The following PRDM15 variants were observed in gnomAD, a reference collection of about 807,000 sequenced individuals.
The protein encoded by PRDM15 is PR domain zinc finger protein 15.
A neutral mutation model predicts 128.6 loss-of-function variants in PRDM15; 64 were observed. That is an observed-to-expected ratio of 0.50 (90% CI 0.41 to 0.61). The LOEUF (loss-of-function observed/expected upper bound fraction) is 0.61. Among genes scored for constraint, PRDM15 ranks in the 20% least tolerant of loss-of-function variants. PRDM15 has a pLI of 0.00. For synonymous variants in PRDM15, 615 were observed against 621.8 expected, an observed-to-expected ratio of 0.99 and a Z score of 0.16; for missense variants, 1,242 against 1,569.1, an observed-to-expected ratio of 0.79 and a Z score of 3.52.
chr21:41,813,959 G>C (rs1329387708), intron 19 of PRDM15: 1 of 135,376 alleles, frequency 7.4e-6, no homozygotes, highest in Non-Finnish European at 1.6e-5. Context: ...ATTGCGCAGG[G>C]TGCTCTAGTG....
At chr21:41,803,425 A>C (rs9917531) in intron 22 of PRDM15, among the ~76,000 whole-genome samples, 17,453 of 152,258 alleles carry the variant, frequency 0.11, 1,054 homozygotes, top group African/African-American at 0.13. Flanking sequence ...TCCCCGCACG[A>C]TTCCCTGCAA....
chr21:41,818,250 A>T (rs1480799768), intron 18 of PRDM15, among the ~76,000 whole-genome samples: 1 of 152,232 alleles, frequency 6.6e-6, no homozygotes, highest in Non-Finnish European at 1.5e-5. Flanking sequence ...CCGCTAAGGC[A>T]GGCAGACACT....
Position 41,801,330 on chromosome 21 carries a change from C to T in PRDM15, c.3336G>A (p.Leu1112=). ...GGGGTGCCTGCGGCTGCGAGGGTGG[C>T]AAGACGTCAGTCTGGGGCACTGCCC... ...TWRAVPQTDV[L]PPSQPQAPPQ... The change falls in exon 24 of 24, where the codon TTG becomes TTA. Residue 1112 remains leucine (L), a synonymous_variant. Transcript: ENST00000398548. The T allele has an allele frequency of 1.9e-6, 3 of 1,587,002 alleles. No individual in the cohort carries two copies. The highest frequency in any genetic ancestry group is 2.6e-6 in the Non-Finnish European group (3 of 1,163,730).
rs747938742 is a variant in PRDM15, at chr21:41,819,610, G to A, written c.2232C>T (p.Arg744=). ...KEHMRVHDNV[R]EYLCAECGKG... is the part of the protein sequence containing the mutation. ...TCCCACACTCGGCACACAGGTACTC[G>A]CGGACATTGTCGTGCACACGCATGT... Residue 744 remains arginine, a synonymous_variant, in exon 18 of 24, where the codon CGC becomes CGT. Transcript: ENST00000398548. 3.7e-6 allele frequency: 6 copies of A among 1,612,486 alleles called. No individual in the cohort carries two copies. The highest frequency in any genetic ancestry group is 2.2e-5 in the East Asian group (1 of 44,882).
Position 41,854,780 on chromosome 21 carries a change from G to C in PRDM15, c.324C>G (p.Thr108=). Residue 108 remains threonine (T), a synonymous_variant, in exon 5 of 24, where the codon ACC becomes ACG. Coordinates refer to ENST00000398548, the MANE Select transcript of PRDM15 (RefSeq NM_001040424.3). The surrounding 1 kb of genome is among the most constrained non-coding windows in gnomAD (Gnocchi z 4.6). ...TCCAGTTGCAGTCATCCTCGTTGGAGGTGTCGAAGCACACGGGGTGCCCGT... is the reference window on the plus strand; with the variant it reads ...TCCAGTTGCAGTCATCCTCGTTGGACGTGTCGAAGCACACGGGGTGCCCGT... ...QKDGHPVCFD[T]SNEDDCNWMM... 7 of 1,609,098 alleles carry C rather than the reference G, an allele frequency of 4.4e-6. No homozygotes were observed. Among genetic ancestry groups the C allele is most frequent in the Non-Finnish European group, 6.0e-6 (7 of 1,176,278 alleles).
Position 41,809,437 on chromosome 21 carries a change from T to C in PRDM15, c.2652+717A>G, listed in dbSNP as rs1296438193. On this transcript the variant is annotated intron_variant, in intron 21 of 23. Transcript: ENST00000398548. ...TAGTAGAGACGGGGTTTCACCATGT[T>C]GGCCAGGCTGGTCTCAAACTCTTAA... Among the ~76,000 whole-genome samples, 6 of 152,224 alleles carry C rather than the reference T, an allele frequency of 3.9e-5. No homozygotes were observed. The East Asian group carries it at 1.2e-3, about 29-fold the overall frequency.
chr21:41,876,641 C>T (rs995178146), intron 1 of PRDM15, among the ~76,000 whole-genome samples: 2 of 152,094 alleles, frequency 1.3e-5, no homozygotes, highest in Non-Finnish European at 2.9e-5. Context: ...TTTTGAGGAG[C>T]GGACGTGGCC....
chr21:41,819,888 G>A, intron 17 of PRDM15, 187 bp from the exon 18 acceptor site: 2 of 801,826 alleles, frequency 2.5e-6, no homozygotes, highest in Non-Finnish European at 3.9e-6. Flanking sequence ...GTAGATCCCT[G>A]AGGACCTGGA....
At chr21:41,838,249 A>T (rs1044810224) in intron 7 of PRDM15, among the ~76,000 whole-genome samples, 186 bp from the exon 8 acceptor site, 6 of 152,344 alleles carry the variant, frequency 3.9e-5, no homozygotes, top group Middle Eastern at 3.4e-3. Flanking sequence ...TACTAGTACA[A>T]ACAGAAAAGC....
At position 41,817,374 on chromosome 21, in the gene PRDM15, C is replaced by T. The variant is rs564827852; in HGVS notation, c.2261-1538G>A. Among the ~76,000 whole-genome samples, 9 of 152,312 alleles carry T rather than the reference C, an allele frequency of 5.9e-5. No individual in the cohort carries two copies. In the East Asian group the frequency reaches 1.7e-3, roughly 29 times the overall value. ...GCCCATGATGTGATTCTGAACAAGACGTTTTCCTCCACACACACAGAAAAC... is the reference window on the plus strand; with the variant it reads ...GCCCATGATGTGATTCTGAACAAGATGTTTTCCTCCACACACACAGAAAAC... On this transcript the variant is annotated intron_variant, in intron 18 of 23. Transcript: ENST00000398548.
rs916022706 is a variant in PRDM15 at position 41,833,000 on chromosome 21, C to T, written c.1366+2437G>A. Among the ~76,000 whole-genome samples the T allele has an allele frequency of 1.3e-5, 2 of 152,084 alleles. No homozygotes were observed. Among genetic ancestry groups the T allele is most frequent in the Non-Finnish European group, 2.9e-5 (2 of 68,014 alleles). Reference sequence around the variant, plus strand: ...GCTTCTCCCTCCAATAACCCTGCGCCGAGGGGATCTAGGTTTATGTCTGAA... The same window carrying T: ...GCTTCTCCCTCCAATAACCCTGCGCTGAGGGGATCTAGGTTTATGTCTGAA... On this transcript the variant is annotated intron_variant, in intron 11 of 23. Coordinates refer to ENST00000398548, the MANE Select transcript of PRDM15 (RefSeq NM_001040424.3). This position sits in a 1 kb window ranked among gnomAD's most constrained non-coding sequence, Gnocchi z 4.2.
rs966058700 is a variant in PRDM15 at position 41,839,593 on chromosome 21, A to G, written c.871+30T>C. 2.5e-5 allele frequency: 39 copies of G among 1,587,740 alleles called. 1 individual carries two copies. The highest frequency in any genetic ancestry group is 3.3e-4 in the Middle Eastern group (2 of 6,024). ...GCGCCAGGAGGGCTGCGCCCCACGC[A>G]GGCACTCATCCCCGGGACCCGCTCA... On this transcript the variant is annotated intron_variant, in intron 7 of 23. Coordinates refer to ENST00000398548, the MANE Select transcript of PRDM15 (RefSeq NM_001040424.3).
intron 6 of PRDM15, among the ~76,000 whole-genome samples, chr21:41,846,557 C>T (rs887171239): frequency 2.6e-5 from 4 of 152,130 alleles, no homozygotes; most frequent in African/African-American, 2.4e-5. Context: ...GTTTGCTGGG[C>T]GTGGTGGCAC....
In PRDM15 at chr21:41,862,667, C is replaced by T. The variant is rs1283141409; in HGVS notation, c.-9-2295G>A. Among the ~76,000 whole-genome samples the T allele has an allele frequency of 6.6e-6, 1 of 152,158 alleles. No homozygotes were observed. The highest frequency in any genetic ancestry group is 1.5e-5 in the Non-Finnish European group (1 of 68,030). ...GCTCCTCTGGGCCCAAGATCAGAGG[C>T]CACAGCCACCCTGGGCTGCAGATCA... On this transcript the variant is annotated intron_variant, in intron 1 of 23. Transcript: ENST00000398548. The surrounding 1 kb of genome is among the most constrained non-coding windows in gnomAD (Gnocchi z 4.1).
chr21:41,847,111 G>A lies in PRDM15; in HGVS notation c.619C>T (p.Leu207=). 1.9e-6 allele frequency: 3 copies of A among 1,553,472 alleles called. No homozygotes were observed. The highest frequency in any genetic ancestry group is 2.6e-6 in the Non-Finnish European group (3 of 1,147,536). The change falls in exon 6 of 24, where the codon CTG becomes TTG. Residue 207 remains leucine, a synonymous_variant. Coordinates refer to ENST00000398548, the MANE Select transcript of PRDM15 (RefSeq NM_001040424.3). ...TTACCATTGAGGAGCTGCAGCTCCA[G>A]GAAGGTGGCAGAACACACTTTACAC... ...WACKVCSATF[L]ELQLLNEHLL...
At position 41,861,878 on chromosome 21, in the gene PRDM15, A is replaced by C. The variant is rs768604248; in HGVS notation, c.-9-1506T>G. The C allele has an allele frequency of 1.5e-5, 24 of 1,593,798 alleles. 1 individual carries two copies. Among genetic ancestry groups the C allele is most frequent in the South Asian group, 3.3e-5 (3 of 90,110 alleles). On this transcript the variant is annotated intron_variant, in intron 1 of 23. Coordinates refer to ENST00000398548, the MANE Select transcript of PRDM15 (RefSeq NM_001040424.3). ...AGAAATAACAAGGGGAGGGGGGTGA[A>C]ATTTTCTCCCAAAACAGCACTGTAT...
chr21:41,803,563 C>A (rs1208213877), intron 22 of PRDM15, among the ~76,000 whole-genome samples: 3 of 152,228 alleles, frequency 2.0e-5, no homozygotes, highest in Non-Finnish European at 4.4e-5. Flanking sequence ...TCCTCTTGGG[C>A]TTCCTGTGCC....
intron 1 of PRDM15, chr21:41,871,723 T>C (rs1262832639): frequency 5.3e-6 from 7 of 1,325,486 alleles, no homozygotes; most frequent in Non-Finnish European, 7.2e-6. Flanking sequence ...CCTCTGTTGT[T>C]ACCACTGACA....
chr21:41,809,974 G>T (rs765587398), intron 21 of PRDM15, among the ~76,000 whole-genome samples, 180 bp downstream of exon 21: 4 of 152,180 alleles, frequency 2.6e-5, no homozygotes, highest in Non-Finnish European at 4.4e-5. Context: ...CTAACCTCTC[G>T]CAGCCACTCA....
Sources: allele counts gnomAD v4.1 joint callset (sites outside exome capture counted in the v4.1 genomes callset), GRCh38; gene constraint gnomAD v4.1.1; non-coding constraint Gnocchi (gnomAD v3.1); transcripts MANE v1.5; gene names NCBI Gene and HGNC (gene_info 2026-07-23, HGNC 2026-07-21).